Variants in TMEM45B observed in about 807,000 individuals in gnomAD.
TMEM45B encodes transmembrane protein 45B.
In TMEM45B, 29 loss-of-function variants were observed where a neutral mutation model predicts 27.3. The ratio of observed to expected loss-of-function variants is 1.06; its 90% CI spans 0.79 to 1.45. TMEM45B has a LOEUF of 1.45. Among genes scored for constraint, TMEM45B ranks in the 40% most tolerant of loss-of-function variants. The pLI is 0.00. For synonymous variants in TMEM45B, 143 were observed against 134.7 expected (o/e 1.06, Z -0.43); for missense variants, 348 against 343.9 (o/e 1.01, Z -0.09).
chr11:129,835,760 G>A (rs1336475632), intron 1 of TMEM45B, among the ~76,000 whole-genome samples: 2 of 152,166 alleles, frequency 1.3e-5, no homozygotes, highest in Non-Finnish European at 2.9e-5. Context: ...TGATGGCCCT[G>A]GAAGGCAGGG....
chr11:129,842,669 G>GT (rs1947710125), intron 1 of TMEM45B, among the ~76,000 whole-genome samples: 2 of 152,170 alleles, frequency 1.3e-5, no homozygotes, highest in Admixed American at 6.5e-5. Context: ...AGATTTAAAT[G>GT]TAAGACCTAA....
intron 1 of TMEM45B, among the ~76,000 whole-genome samples, chr11:129,843,004 A>G (rs1165312286): frequency 1.3e-5 from 2 of 152,266 alleles, no homozygotes; most frequent in East Asian, 3.8e-4. Flanking sequence ...CAGTGGTGCA[A>G]TCTCGGCTCA....
At chr11:129,854,468 G>A (rs1947891319) in intron 2 of TMEM45B, 142 bp from the exon 3 acceptor site, 2 of 713,304 alleles carry the variant, frequency 2.8e-6, no homozygotes, top group South Asian at 3.5e-5. Flanking sequence ...TGCACCTGAG[G>A]CAGCAAAGTA....
intron 1 of TMEM45B, among the ~76,000 whole-genome samples, chr11:129,832,436 T>C (rs565988619): frequency 5.9e-5 from 9 of 152,248 alleles, no homozygotes; most frequent in Admixed American, 4.6e-4. Context: ...GAAAACATTA[T>C]GCTGAGGGAA....
intron 1 of TMEM45B, among the ~76,000 whole-genome samples, chr11:129,828,452 G>A (rs1039643307): frequency 1.3e-5 from 2 of 152,148 alleles, no homozygotes; most frequent in Non-Finnish European, 2.9e-5. Flanking sequence ...AGGCCCCTGA[G>A]CCCACTGTAG....
chr11:129,853,828 ACG>A (rs1272195930), intron 2 of TMEM45B, among the ~76,000 whole-genome samples: 4 of 152,216 alleles, frequency 2.6e-5, no homozygotes, highest in African/African-American at 9.6e-5. Flanking sequence ...TATCTGGGAA[ACG>A]GAGTCCAAAA....
At chr11:129,824,851 C>T (rs1947459778) in intron 1 of TMEM45B, among the ~76,000 whole-genome samples, 1 of 152,170 alleles carries the variant, frequency 6.6e-6, no homozygotes, top group Non-Finnish European at 1.5e-5. Context: ...TTCACAGAGG[C>T]TTCCTGGAGG....
intron 1 of TMEM45B, among the ~76,000 whole-genome samples, chr11:129,837,589 T>A (rs1947638223): frequency 7.5e-6 from 1 of 132,680 alleles, no homozygotes; most frequent in Non-Finnish European, 1.6e-5. Flanking sequence ...ACTGGGCTTT[T>A]TTTTTTTTTT....
At chr11:129,829,546 A>G (rs1463793509) in intron 1 of TMEM45B, among the ~76,000 whole-genome samples, 1 of 152,256 alleles carries the variant, frequency 6.6e-6, no homozygotes, top group African/African-American at 2.4e-5. Flanking sequence ...AGAGTAAGTG[A>G]CATTATCTAG....
intron 1 of TMEM45B, among the ~76,000 whole-genome samples, chr11:129,825,979 G>GT (rs143918066): frequency 0.89 from 131,958 of 148,952 alleles, 58,812 homozygotes; most frequent in East Asian, 1. Flanking sequence ...TATATGTAAG[G>GT]TTTTTTTTGG....
intron 1 of TMEM45B, among the ~76,000 whole-genome samples, chr11:129,816,314 C>T (rs1402584080): frequency 1.3e-5 from 2 of 152,160 alleles, no homozygotes; most frequent in Non-Finnish European, 2.9e-5. Flanking sequence ...ACGCGCGCCC[C>T]CGGGGATGCC....
chr11:129,844,921 T>A (rs1034305557), intron 1 of TMEM45B, among the ~76,000 whole-genome samples: 1 of 151,910 alleles, frequency 6.6e-6, no homozygotes, highest in African/African-American at 2.4e-5. Flanking sequence ...GCTGAAAAAA[T>A]ATTAAAGGAC....
At chr11:129,839,601 G>A (rs1382511790) in intron 1 of TMEM45B, among the ~76,000 whole-genome samples, 2 of 152,216 alleles carry the variant, frequency 1.3e-5, no homozygotes. Flanking sequence ...TGTCAGCGGT[G>A]CAATCACGGC....
intron 5 of TMEM45B, among the ~76,000 whole-genome samples, chr11:129,858,263 G>C (rs1255752923): frequency 3.3e-5 from 5 of 152,164 alleles, no homozygotes; most frequent in African/African-American, 1.2e-4. Flanking sequence ...ATTTCATCCA[G>C]AAAGAGTTCC....
intron 1 of TMEM45B, among the ~76,000 whole-genome samples, chr11:129,826,631 C>G (rs1947486377): frequency 6.7e-6 from 1 of 149,954 alleles, no homozygotes. Flanking sequence ...AGCATTCAGG[C>G]TAGGACCCAA....
chr11:129,838,629 T>G (rs1324795555), intron 1 of TMEM45B, among the ~76,000 whole-genome samples: 1 of 152,104 alleles, frequency 6.6e-6, no homozygotes, highest in East Asian at 1.9e-4. Flanking sequence ...ATTTATTCAG[T>G]CAAACACGTG....
chr11:129,840,961 A>AAAAAAAAAAAAC (rs1947683076), intron 1 of TMEM45B, among the ~76,000 whole-genome samples: 1 of 149,882 alleles, frequency 6.7e-6, no homozygotes, highest in Non-Finnish European at 1.5e-5. Context: ...AAAAAAAAAA[A>AAAAAAAAAAAAC]AAAAAAAAAG....
At chr11:129,840,191 G>A (rs920274311) in intron 1 of TMEM45B, among the ~76,000 whole-genome samples, 8 of 152,204 alleles carry the variant, frequency 5.3e-5, no homozygotes, top group Non-Finnish European at 7.3e-5. Context: ...GTTATTGGAA[G>A]AAATATAGCC....
intron 1 of TMEM45B, among the ~76,000 whole-genome samples, chr11:129,836,547 G>A (rs1947622376): frequency 6.6e-6 from 1 of 152,174 alleles, no homozygotes; most frequent in Admixed American, 6.5e-5. Context: ...ACCTCAGGAT[G>A]TGACTCTTTT....
Sources: allele counts gnomAD v4.1 joint callset (sites outside exome capture counted in the v4.1 genomes callset), GRCh38; gene constraint gnomAD v4.1.1; transcripts MANE v1.5; gene names NCBI Gene and HGNC (gene_info 2026-07-23, HGNC 2026-07-21).